The following PLCH1 variants were observed in gnomAD, a reference collection of about 807,000 sequenced individuals.
PLCH1 encodes 1-phosphatidylinositol 4,5-bisphosphate phosphodiesterase eta-1.
PLCH1 carries 60 observed loss-of-function variants against 126.7 expected under a neutral mutation model. That is an observed-to-expected ratio of 0.47 (90% confidence interval 0.38 to 0.59). The LOEUF (loss-of-function observed/expected upper bound fraction) is 0.59. Among genes scored for constraint, PLCH1 ranks in the 20% least tolerant of loss-of-function variants. The pLI, the probability that PLCH1 is intolerant of heterozygous loss-of-function variation, is 0.00. For missense variants in PLCH1, 1,723 were observed against 2,040.0 expected, an observed-to-expected ratio of 0.84 and a Z score of 2.99; for synonymous variants, 719 against 734.9, an observed-to-expected ratio of 0.98 and a Z score of 0.35.
chr3:155,466,632 C>T (rs1712941148), intron 21 of PLCH1, among the ~76,000 whole-genome samples: 1 of 152,170 alleles, frequency 6.6e-6, no homozygotes. Flanking sequence ...ATTACCTCAC[C>T]AGAGGAATTA....
chr3:155,575,709 G>A (rs539126454), intron 6 of PLCH1, among the ~76,000 whole-genome samples: 54 of 152,160 alleles, frequency 3.5e-4, no homozygotes, highest in African/African-American at 1.3e-3. Flanking sequence ...CTTGCTCTGT[G>A]GCCCAGGCAC....
At chr3:155,736,386 A>G (rs1749176682) in intron 1 of PLCH1, among the ~76,000 whole-genome samples, 2 of 152,240 alleles carry the variant, frequency 1.3e-5, no homozygotes, top group African/African-American at 2.4e-5. Flanking sequence ...AGAAGAAAAG[A>G]TTCCTGTGAC....
chr3:155,740,891 G>C (rs1749574365), intron 1 of PLCH1, among the ~76,000 whole-genome samples: 1 of 152,188 alleles, frequency 6.6e-6, no homozygotes. Context: ...ACATATGGTA[G>C]ATTTATCTTT....
chr3:155,658,173 C>A, intron 2 of PLCH1: 2 of 213,954 alleles, frequency 9.3e-6, no homozygotes, highest in South Asian at 1.8e-4. Context: ...AGCCCTCAGT[C>A]AGCACAGAGG....
intron 20 of PLCH1, 113 bp from the exon 21 acceptor site, chr3:155,488,220 CAG>C (rs1715585534): frequency 7.7e-6 from 5 of 651,020 alleles, no homozygotes; most frequent in Non-Finnish European, 1.4e-5. Flanking sequence ...TTTTTTGAGA[CAG>C]AGTGTTGCTC....
intron 12 of PLCH1, among the ~76,000 whole-genome samples, chr3:155,513,167 A>C (rs1459606941): frequency 6.6e-6 from 1 of 152,228 alleles, no homozygotes; most frequent in East Asian, 1.9e-4. Context: ...ATTTAAACCG[A>C]CATATGTATC....
Position 155,514,662 on chromosome 3 carries a change from A to C in PLCH1, c.1632+61T>G, listed in dbSNP as rs895469250. On this transcript the variant is annotated intron_variant, in intron 12 of 22. Transcript: ENST00000460012. ...AGGAGCATTTCACAAATGATTAGAA[A>C]CAAAGTATGAGATGCTTTTTTTTTC... is the stretch of plus-strand genomic sequence containing the variant. 14 of 1,126,892 alleles carry C rather than the reference A, an allele frequency of 1.2e-5. No individual in the cohort carries two copies. In the African/African-American group the frequency reaches 1.9e-4, roughly 15 times the overall value. 69.8% of individuals were successfully genotyped at this position (1,126,892 alleles called of 1,614,324 possible). A position where few individuals can be genotyped will look rare whatever the true frequency, so the allele number is the denominator to read the frequency against.
chr3:155,568,407 G>T, intron 6 of PLCH1, 83 bp from the exon 7 acceptor site: 1 of 641,098 alleles, frequency 1.6e-6, no homozygotes, highest in Non-Finnish European at 2.8e-6. Flanking sequence ...TACTGATTTT[G>T]CATTCTTCAC....
chr3:155,494,574 C>A, intron 15 of PLCH1, 57 bp from the exon 16 acceptor site: 1 of 1,334,444 alleles, frequency 7.5e-7, no homozygotes, highest in South Asian at 1.2e-5. Flanking sequence ...GAAAACACCA[C>A]GCACAGAAGA....
At chr3:155,543,936 G>A (rs1337687563) in intron 10 of PLCH1, among the ~76,000 whole-genome samples, 2 of 151,870 alleles carry the variant, frequency 1.3e-5, no homozygotes, top group Non-Finnish European at 2.9e-5. Context: ...GCAAAATCAT[G>A]CCAAATTGTA....
At chr3:155,527,639 G>A (rs192839236) in intron 10 of PLCH1, among the ~76,000 whole-genome samples, 11 of 151,534 alleles carry the variant, frequency 7.3e-5, no homozygotes, top group African/African-American at 2.7e-4. Flanking sequence ...GGGCCAGCTG[G>A]GCATGGTGGC....
At chr3:155,497,479 T>A in intron 14 of PLCH1, 62 bp from the exon 15 acceptor site, 2 of 1,109,496 alleles carry the variant, frequency 1.8e-6, no homozygotes, top group Non-Finnish European at 2.8e-6. Flanking sequence ...GGGTTCTTGG[T>A]TATCCCACTT....
chr3:155,626,866 G>A (rs998956258), intron 2 of PLCH1, among the ~76,000 whole-genome samples: 1 of 149,836 alleles, frequency 6.7e-6, no homozygotes, highest in Admixed American at 6.7e-5. Flanking sequence ...CAATAGGCTA[G>A]GAGAACATAT....
chr3:155,492,379 G>C (rs1369528125), intron 18 of PLCH1, among the ~76,000 whole-genome samples: 2 of 152,206 alleles, frequency 1.3e-5, no homozygotes, highest in Admixed American at 1.3e-4. Flanking sequence ...AGGAGGACAG[G>C]AATGTGAGGT....
At chr3:155,520,771 C>T (rs183389861) in intron 11 of PLCH1, among the ~76,000 whole-genome samples, 5 of 152,352 alleles carry the variant, frequency 3.3e-5, no homozygotes, top group Admixed American at 6.5e-5. Context: ...ACTGGCTTTA[C>T]CTTGTGGCTT....
chr3:155,549,254 T>G (rs1313827246), intron 10 of PLCH1, among the ~76,000 whole-genome samples: 1 of 152,232 alleles, frequency 6.6e-6, no homozygotes, highest in Non-Finnish European at 1.5e-5. Flanking sequence ...CACCTACTGC[T>G]CTTTCACACG....
At chr3:155,543,035 G>A (rs1215918253) in intron 10 of PLCH1, among the ~76,000 whole-genome samples, 3 of 152,238 alleles carry the variant, frequency 2.0e-5, no homozygotes, top group African/African-American at 7.2e-5. Context: ...AAAGCTGGAT[G>A]GACAATGACT....
chr3:155,738,957 G>C (rs1641540489), intron 1 of PLCH1, among the ~76,000 whole-genome samples: 1 of 152,040 alleles, frequency 6.6e-6, no homozygotes. Context: ...AAAAATAAAA[G>C]CATGCTAGAC....
chr3:155,700,127 T>C (rs1191979207), intron 2 of PLCH1, among the ~76,000 whole-genome samples: 1 of 152,164 alleles, frequency 6.6e-6, no homozygotes, highest in Non-Finnish European at 1.5e-5. Context: ...AGAAGTGACA[T>C]GAGGCTACAC....
Sources: allele counts gnomAD v4.1 joint callset (sites outside exome capture counted in the v4.1 genomes callset), GRCh38; gene constraint gnomAD v4.1.1; transcripts MANE v1.5; gene names NCBI Gene and HGNC (gene_info 2026-07-23, HGNC 2026-07-21).